The following SAMMSON variants were observed in gnomAD, a reference collection of about 807,000 sequenced individuals.
The protein encoded by SAMMSON is survival associated mitochondrial melanoma specific oncogenic non-coding RNA, also known as long intergenic non-protein coding RNA 1212.
Position 70,408,964 on chromosome 3 carries a change from G to A in SAMMSON, n.233+50640G>A, listed in dbSNP as rs549954562. The stretch of plus-strand genomic sequence containing the variant: ...AGGCAAAAGCACTTCTTACATGGTG[G>A]TGGCAAGAGAAAATGAGGAAGGTGC... On this transcript the variant is annotated intron_variant and non_coding_transcript_variant, in intron 2 of 3. Transcript: ENST00000641053. Among the ~76,000 whole-genome samples the A allele has an allele frequency of 2.0e-5, 3 of 152,270 alleles. 1 individual carries two copies. The highest frequency in any genetic ancestry group is 6.5e-5 in the Admixed American group (1 of 15,290).
intron 4 of SAMMSON, among the ~76,000 whole-genome samples, chr3:70,153,304 A>T (rs1352938520): frequency 6.6e-6 from 1 of 151,982 alleles, no homozygotes. Flanking sequence ...CTGTCACAGC[A>T]TCAATCAAAT....
At chr3:70,066,806 A>G (rs2067211716) in intron 3 of SAMMSON, among the ~76,000 whole-genome samples, 1 of 152,056 alleles carries the variant, frequency 6.6e-6, no homozygotes, top group Non-Finnish European at 1.5e-5. Flanking sequence ...TACCTTAAGA[A>G]CCTGTTGTGA....
At position 70,093,401 on chromosome 3, in the gene SAMMSON, A is replaced by G. The variant is rs2067312351; in HGVS notation, n.507+21836A>G. Among the ~76,000 whole-genome samples the G allele has an allele frequency of 1.1e-4, 16 of 152,296 alleles. No homozygotes were observed. In the South Asian group the frequency reaches 3.1e-3, roughly 30 times the overall value. On this transcript the variant is annotated intron_variant and non_coding_transcript_variant, in intron 4 of 9. Transcript: ENST00000642114. ...GGACCAGCTGTTAAGACTCTTGAGGATGATACTATCTTAGATTGTCAATGG... is the reference window on the plus strand; with the variant it reads ...GGACCAGCTGTTAAGACTCTTGAGGGTGATACTATCTTAGATTGTCAATGG...
chr3:70,213,309 A>G (rs1219647538), intron 4 of SAMMSON, among the ~76,000 whole-genome samples: 1 of 152,120 alleles, frequency 6.6e-6, no homozygotes, highest in Non-Finnish European at 1.5e-5. Flanking sequence ...GCTTGTTGCT[A>G]AGTTTTTCTT....
intron 3 of SAMMSON, among the ~76,000 whole-genome samples, chr3:70,048,995 A>T (rs549041232): frequency 6.6e-6 from 1 of 152,244 alleles, no homozygotes; most frequent in South Asian, 2.1e-4. Flanking sequence ...AAAACAGAAG[A>T]GGACTATAGC....
intron 2 of SAMMSON, among the ~76,000 whole-genome samples, chr3:70,410,150 C>T (rs1701206802): frequency 6.6e-6 from 1 of 152,218 alleles, no homozygotes; most frequent in Non-Finnish European, 1.5e-5. Flanking sequence ...CTTTGAATAT[C>T]TAGTTACCTC....
At chr3:70,067,839 G>A (rs1188489456) in intron 3 of SAMMSON, among the ~76,000 whole-genome samples, 1 of 152,070 alleles carries the variant, frequency 6.6e-6, no homozygotes, top group East Asian at 1.9e-4. Flanking sequence ...TGACATAAAG[G>A]AGCATCTACC....
At chr3:70,289,179 A>T (rs1287956577) in intron 6 of SAMMSON, among the ~76,000 whole-genome samples, 1 of 148,600 alleles carries the variant, frequency 6.7e-6, no homozygotes, top group Non-Finnish European at 1.5e-5. Flanking sequence ...TTTTGGCATG[A>T]TTTTGCAGCG....
intron 7 of SAMMSON, among the ~76,000 whole-genome samples, chr3:70,301,735 AG>A (rs1702350607): frequency 6.6e-6 from 1 of 152,102 alleles, no homozygotes; most frequent in Non-Finnish European, 1.5e-5. Context: ...TTAATTCTCA[AG>A]AAGATTTATT....
intron 4 of SAMMSON, among the ~76,000 whole-genome samples, chr3:70,192,032 G>T (rs1466698396): frequency 1.3e-5 from 2 of 151,892 alleles, no homozygotes; most frequent in African/African-American, 4.8e-5. Flanking sequence ...ATTATGTAGA[G>T]AACACATCAA....
chr3:70,053,149 A>G (rs898437530), intron 3 of SAMMSON, among the ~76,000 whole-genome samples: 10 of 152,116 alleles, frequency 6.6e-5, no homozygotes, highest in African/African-American at 2.4e-4. Context: ...TATCCTGGGA[A>G]ATAGGTGGAT....
At chr3:70,250,356 T>C (rs887361445) in intron 6 of SAMMSON, among the ~76,000 whole-genome samples, 3 of 151,952 alleles carry the variant, frequency 2.0e-5, no homozygotes, top group South Asian at 4.2e-4. Flanking sequence ...TGAGAAGTCA[T>C]GCCCTGTGTT....
chr3:70,208,958 A>G (rs1289413105), intron 4 of SAMMSON, among the ~76,000 whole-genome samples: 1 of 152,106 alleles, frequency 6.6e-6, no homozygotes, highest in Non-Finnish European at 1.5e-5. Context: ...GTTGAAAGCA[A>G]TTAATGTAGT....
At chr3:70,302,330 A>C (rs1242488284) in intron 7 of SAMMSON, among the ~76,000 whole-genome samples, 2 of 152,084 alleles carry the variant, frequency 1.3e-5, no homozygotes, top group African/African-American at 4.8e-5. Context: ...ATATTCCTCT[A>C]AATGCAGTTC....
intron 7 of SAMMSON, among the ~76,000 whole-genome samples, chr3:70,312,384 TCAGGA>T (rs1159320202): frequency 6.6e-6 from 1 of 152,228 alleles, no homozygotes; most frequent in Non-Finnish European, 1.5e-5. Flanking sequence ...AAGCATCTTT[TCAGGA>T]ATTTATTGGG....
intron 7 of SAMMSON, among the ~76,000 whole-genome samples, chr3:70,339,069 A>G (rs1702689781): frequency 6.6e-6 from 1 of 152,178 alleles, no homozygotes; most frequent in Non-Finnish European, 1.5e-5. Flanking sequence ...GACCAATGGA[A>G]CAGAACAGAG....
chr3:70,088,956 G>A (rs1458722233), intron 4 of SAMMSON, among the ~76,000 whole-genome samples: 1 of 152,154 alleles, frequency 6.6e-6, no homozygotes. Flanking sequence ...TTTTCACTCA[G>A]AAAATTTCTG....
At chr3:70,024,630 C>G (rs1211695391) in intron 3 of SAMMSON, among the ~76,000 whole-genome samples, 3 of 152,112 alleles carry the variant, frequency 2.0e-5, no homozygotes, top group Non-Finnish European at 2.9e-5. Flanking sequence ...TTCACTTGGT[C>G]CTTGAAAGAT....
intron 7 of SAMMSON, among the ~76,000 whole-genome samples, chr3:70,339,133 C>G (rs558538877): frequency 6.6e-6 from 1 of 152,176 alleles, no homozygotes; most frequent in African/African-American, 2.4e-5. Context: ...AGAATCCTGA[C>G]AAAAACAAGC....
Sources: gnomAD v4.1 joint callset for allele counts (sites outside exome capture counted in the v4.1 genomes callset) on GRCh38, gnomAD v4.1.1 for gene constraint, MANE v1.5 for transcripts, NCBI Gene and HGNC (gene_info 2026-07-23, HGNC 2026-07-21) for gene names.